ANKAR: variants seen among roughly 807,000 people sequenced by gnomAD.
ANKAR encodes the protein ankyrin and armadillo repeat-containing protein.
Under a neutral mutation model 146.2 loss-of-function variants are expected in ANKAR, and 136 were observed. The observed-to-expected ratio is 0.93, with a 90% CI of 0.81 to 1.07. The LOEUF (loss-of-function observed/expected upper bound fraction) is 1.07. Ranked by LOEUF, ANKAR falls within the 50% of genes least tolerant of loss-of-function variation. The probability of loss-of-function intolerance (pLI) is 0.00; values close to 1 mark genes in which losing one functional copy is unlikely to be tolerated. For synonymous variants in ANKAR, 500 were observed against 575.8 expected, an observed-to-expected ratio of 0.87 and a Z score of 1.88; for missense variants, 1,567 against 1,679.9, an observed-to-expected ratio of 0.93 and a Z score of 1.18.
chr2:189,696,346 G>A lies in ANKAR; in HGVS notation c.1685G>A (p.Arg562Lys). The part of the protein sequence containing the change: ...LCNANFKVNQ[R>K]RFVTFSQGPT... The stretch of plus-strand genomic sequence containing the variant: ...AATGCTAACTTCAAGGTCAACCAGA[G>A]GCGCTTTGTTACGTTCAGCCAAGGT... The change falls in exon 7 of 23, where the codon AGG becomes AAG. Residue 562 changes from arginine (R) to lysine (K), a missense_variant. Transcript: ENST00000684021. 6.2e-7 allele frequency: 1 copy of A among 1,613,734 alleles called. No homozygotes were observed. Among genetic ancestry groups the A allele is most frequent in the Non-Finnish European group, 8.5e-7 (1 of 1,179,920 alleles).
At chr2:189,692,014 A>G (rs555539388) in intron 3 of ANKAR, among the ~76,000 whole-genome samples, 17 of 152,232 alleles carry the variant, frequency 1.1e-4, no homozygotes, top group Non-Finnish European at 2.2e-4. Flanking sequence ...CGCCCCCCTC[A>G]GCCTCTCAAA....
At chr2:189,706,914 ATTG>A in intron 8 of ANKAR, 21 bp from the exon 9 acceptor site, 1 of 1,579,618 alleles carries the variant, frequency 6.3e-7, no homozygotes, top group Non-Finnish European at 8.6e-7. Context: ...TGCGTGTTTA[ATTG>A]TTATGTTTCT....
In ANKAR at chr2:189,733,096, C is replaced by T; in HGVS notation, c.3301-11C>T. On this transcript the variant is annotated splice_polypyrimidine_tract_variant and intron_variant, in intron 16 of 22. Transcript: ENST00000684021. ...TAATTGAAAAGTAATTTCTGAAAAC[C>T]ACATGTTTAGGTTGAAGTGGCATTT... 1 of 1,592,954 alleles carries T rather than the reference C, an allele frequency of 6.3e-7. No homozygotes were observed. Among genetic ancestry groups the T allele is most frequent in the Non-Finnish European group, 8.5e-7 (1 of 1,171,828 alleles).
intron 9 of ANKAR, among the ~76,000 whole-genome samples, chr2:189,709,156 C>T (rs1316591351): frequency 2.6e-5 from 4 of 151,782 alleles, no homozygotes; most frequent in Non-Finnish European, 5.9e-5. Flanking sequence ...AAAAGAGACA[C>T]GACCATAGTA....
At chr2:189,742,124 C>T (rs2043395462) in intron 20 of ANKAR, among the ~76,000 whole-genome samples, 1 of 152,178 alleles carries the variant, frequency 6.6e-6, no homozygotes, top group African/African-American at 2.4e-5. Context: ...AGCAGTGTTA[C>T]TCCACCTTTA....
rs184045774 is a variant in ANKAR, at chr2:189,676,668, G to A, written c.178G>A (p.Asp60Asn). 1.5e-5 allele frequency: 25 copies of A among 1,614,180 alleles called. No homozygotes were observed. In the African/African-American group the frequency reaches 2.4e-4, roughly 15 times the overall value. ...AGTTAGCTGGTTGTCTGCCAAAGAGGATGTGCGCTCTCAAGTAGACCTCCC... is the reference window on the plus strand; with the variant it reads ...AGTTAGCTGGTTGTCTGCCAAAGAGAATGTGCGCTCTCAAGTAGACCTCCC... ...ALVSWLSAKE[D>N]VRSQVDLPCG... is the part of the protein sequence containing the mutation. Residue 60 changes from aspartate to asparagine, a missense_variant, in exon 2 of 23, where the codon GAT becomes AAT. Coordinates refer to ENST00000684021, the MANE Select transcript of ANKAR (RefSeq NM_001378068.1).
In ANKAR at chr2:189,738,656, T is replaced by C. The variant is rs767547432; in HGVS notation, c.3674T>C (p.Val1225Ala). 2 of 1,607,914 alleles carry C rather than the reference T, an allele frequency of 1.2e-6. No individual in the cohort carries two copies. Among genetic ancestry groups the C allele is most frequent in the Non-Finnish European group, 1.7e-6 (2 of 1,175,994 alleles). Residue 1225 changes from valine (V) to alanine (A), a missense_variant, in exon 19 of 23, where the codon GTT (valine) becomes GCT (alanine). Val to Ala is a moderately conservative substitution (Grantham distance 64, BLOSUM62 0). Transcript: ENST00000684021. ...VTILVDSLYS[V>A]QTSTIVLTGN... ...ATTTTAGTTGATAGTCTGTATTCAG[T>C]TCAGACTTCTACTATTGTCTTGACA...
Position 189,737,746 on chromosome 2 carries a change from T to C in ANKAR, c.3487T>C (p.Tyr1163His). ...LFAFNNRFQQ[Y>H]LILESGIMTI... ...TGCCTTCAATAATCGCTTTCAACAA[T>C]ACTTAATATTGGAAAGTGGAATAAT... The change falls in exon 18 of 23, where the codon TAC (tyrosine) becomes CAC (histidine). Residue 1163 changes from tyrosine to histidine, a missense_variant. By Grantham distance (83) the Tyr-to-His change is moderately conservative. Transcript: ENST00000684021. The C allele has an allele frequency of 6.2e-7, 1 of 1,601,018 alleles. No homozygotes were observed. Among genetic ancestry groups the C allele is most frequent in the Non-Finnish European group, 8.5e-7 (1 of 1,176,824 alleles).
At position 189,755,145 on chromosome 2, in the gene ANKAR, AAG is replaced by A. The variant is rs773080472; in HGVS notation, c.*585-5951_*585-5950del. The A allele has an allele frequency of 6.4e-5, 102 of 1,589,152 alleles. No homozygotes were observed. In the South Asian group the frequency reaches 1.2e-3, roughly 18 times the overall value. ...AGTTGAAATGGACAACATAACAAAAAAGAATGGAGAAATTAATTCTTAATTAC... is the reference window on the plus strand; with the variant it reads ...AGTTGAAATGGACAACATAACAAAAAAATGGAGAAATTAATTCTTAATTAC... On this transcript the variant is annotated intron_variant and NMD_transcript_variant, in intron 18 of 18. Coordinates refer to the ANKAR transcript ENST00000441800.
chr2:189,695,049 C>A lies in ANKAR; in HGVS notation c.1376C>A (p.Ala459Asp). ...QQLYKTQWWGAINEIVNNLRL... is the reference protein window; with the variant it reads ...QQLYKTQWWGDINEIVNNLRL... ...CTATATAAGACACAGTGGTGGGGAG[C>A]CATAAATGAAATAGTGAACAATCTG... is the stretch of plus-strand genomic sequence containing the variant. Residue 459 changes from alanine (A) to aspartate (D), a missense_variant, in exon 6 of 23, where the codon GCC becomes GAC. Physicochemically the swap from Ala to Asp is moderately radical, Grantham distance 126 (BLOSUM62 -2). Coordinates refer to ENST00000684021, the MANE Select transcript of ANKAR (RefSeq NM_001378068.1). 6.2e-7 allele frequency: 1 copy of A among 1,611,748 alleles called. No individual in the cohort carries two copies. Among genetic ancestry groups the A allele is most frequent in the Non-Finnish European group, 8.5e-7 (1 of 1,178,852 alleles).
In ANKAR at chr2:189,738,552, T is replaced by C; in HGVS notation, c.3583-13T>C. On this transcript the variant is annotated splice_polypyrimidine_tract_variant and intron_variant, in intron 18 of 22. Coordinates refer to ENST00000684021, the MANE Select transcript of ANKAR (RefSeq NM_001378068.1). Reference sequence around the variant, plus strand: ...AAATGTTCAAAGACTCTCTGCTTCTTTTCTGTTTTCAGATTGTTGTACTGG... The same window carrying C: ...AAATGTTCAAAGACTCTCTGCTTCTCTTCTGTTTTCAGATTGTTGTACTGG... 6.7e-7 allele frequency: 1 copy of C among 1,497,072 alleles called. No homozygotes were observed. The allele number at this position is 1,497,072 out of a possible 1,614,324, so 92.7% of individuals were successfully genotyped here. A position where few individuals can be genotyped will look rare whatever the true frequency, so the allele number is the denominator to read the frequency against.
intron 2 of ANKAR, among the ~76,000 whole-genome samples, chr2:189,677,502 A>G (rs1407787536): frequency 2.6e-5 from 4 of 152,022 alleles, no homozygotes; most frequent in East Asian, 3.9e-4. Context: ...TTGCGTCCTC[A>G]TAGCTTAGCT....
downstream of ANKAR, among the ~76,000 whole-genome samples, chr2:189,751,630 A>G (rs931223478): frequency 9.3e-5 from 14 of 151,048 alleles, no homozygotes; most frequent in African/African-American, 3.4e-4. Flanking sequence ...TTTTCAGTAG[A>G]GACGGGGTTT....
chr2:189,703,397 G>C (rs1435622794), intron 7 of ANKAR, among the ~76,000 whole-genome samples: 1 of 152,120 alleles, frequency 6.6e-6, no homozygotes, highest in Non-Finnish European at 1.5e-5. Flanking sequence ...GGAAATAAGA[G>C]GGAGGTGCCA....
chr2:189,688,236 T>G (rs1254340410), intron 2 of ANKAR, among the ~76,000 whole-genome samples: 5 of 152,204 alleles, frequency 3.3e-5, no homozygotes, highest in Admixed American at 2.0e-4. Flanking sequence ...CCCCAGCATA[T>G]GTTCTTGGCA....
At position 189,739,571 on chromosome 2, in the gene ANKAR, T is replaced by G. The variant is rs565636237; in HGVS notation, c.3700+889T>G. The stretch of plus-strand genomic sequence containing the variant: ...TGTAGTGGGTTTAGACTCCACAGTT[T>G]TTTTTTTTTTTGAGATGGAGTCTCA... On this transcript the variant is annotated intron_variant, in intron 19 of 22. Coordinates refer to ENST00000684021, the MANE Select transcript of ANKAR (RefSeq NM_001378068.1). 1.3e-4 allele frequency among the ~76,000 whole-genome samples: 19 copies of G among 151,880 alleles called. No individual in the cohort carries two copies. In the South Asian group the frequency reaches 3.9e-3, roughly 32 times the overall value.
intron 10 of ANKAR, among the ~76,000 whole-genome samples, chr2:189,714,204 A>G (rs902091614): frequency 6.6e-5 from 10 of 152,248 alleles, no homozygotes; most frequent in Non-Finnish European, 1.0e-4. Flanking sequence ...ATAGATCAAC[A>G]AGACAGAAAA....
intron 18 of ANKAR, among the ~76,000 whole-genome samples, chr2:189,760,691 T>A (rs2046909271): frequency 7.1e-6 from 1 of 141,212 alleles, no homozygotes; most frequent in African/African-American, 2.8e-5. Flanking sequence ...CTTGGGAGGC[T>A]GAGACAGGGG....
At chr2:189,683,835 G>A (rs1035957359) in intron 2 of ANKAR, among the ~76,000 whole-genome samples, 7 of 152,330 alleles carry the variant, frequency 4.6e-5, no homozygotes, top group Non-Finnish European at 1.0e-4. Flanking sequence ...AAGGAATTGT[G>A]CAGAAAGCCA....
Sources: allele counts gnomAD v4.1 joint callset (sites outside exome capture counted in the v4.1 genomes callset), GRCh38; gene constraint gnomAD v4.1.1; transcripts MANE v1.5; gene names NCBI Gene and HGNC (gene_info 2026-07-23, HGNC 2026-07-21).